Variants in HK2 observed in about 807,000 individuals in gnomAD.
HK2 encodes the protein hexokinase-2.
In HK2, 42 loss-of-function variants were observed where a neutral mutation model predicts 92.9. The observed-to-expected ratio is 0.45, with a 90% confidence interval of 0.35 to 0.58. HK2 has a LOEUF of 0.58. Among genes scored for constraint, HK2 ranks in the 20% least tolerant of loss-of-function variants. The pLI, the probability that HK2 is intolerant of heterozygous loss-of-function variation, is 0.00. For synonymous variants in HK2, 422 were observed against 468.0 expected (o/e 0.90, Z 1.27); for missense variants, 978 against 1,245.1 (o/e 0.79, Z 3.23).
At position 74,888,063 on chromosome 2, in the gene HK2, G is replaced by A; in HGVS notation, c.2375+5G>A. ...GTTCTTGTCTCAGATTGAGAGGTGA[G>A]AGCTTAGGGCTCAGGGTAGCAGGGG... On this transcript the variant is annotated splice_donor_5th_base_variant and intron_variant, in intron 16 of 17. Coordinates refer to ENST00000290573, the MANE Select transcript of HK2 (RefSeq NM_000189.5). 6.2e-7 allele frequency: 1 copy of A among 1,614,176 alleles called. No homozygotes were observed. Among genetic ancestry groups the A allele is most frequent in the Non-Finnish European group, 8.5e-7 (1 of 1,180,014 alleles).
At chr2:74,873,142 G>A (rs1485052097) in intron 4 of HK2, 134 bp from the exon 5 acceptor site, 2 of 768,836 alleles carry the variant, frequency 2.6e-6, no homozygotes, top group Non-Finnish European at 2.4e-6. Context: ...AGGCTAGCCA[G>A]GAAGTAACAC....
chr2:74,888,089 G>A (rs775628744), intron 16 of HK2, 31 bp downstream of exon 16: 3 of 1,611,718 alleles, frequency 1.9e-6, no homozygotes, highest in Non-Finnish European at 1.7e-6. Context: ...GTAGCAGGGG[G>A]GCCATGTCCT....
At chr2:74,853,391 G>A (rs886915522) in intron 1 of HK2, among the ~76,000 whole-genome samples, 8 of 151,946 alleles carry the variant, frequency 5.3e-5, no homozygotes, top group African/African-American at 1.4e-4. Flanking sequence ...GTGGTGCACC[G>A]CTGTAATCCC....
chr2:74,861,062 G>C (rs1000597212), intron 2 of HK2, among the ~76,000 whole-genome samples: 1 of 152,150 alleles, frequency 6.6e-6, no homozygotes, highest in Non-Finnish European at 1.5e-5. Context: ...ACGCAGTTCT[G>C]TCAGGGGCCC....
At chr2:74,835,376 C>G (rs1322291227) in intron 1 of HK2, 1 of 152,592 alleles carries the variant, frequency 6.6e-6, no homozygotes, top group Non-Finnish European at 1.5e-5. Context: ...TCTGGTTTGC[C>G]CTAAAAGTTA....
intron 2 of HK2, among the ~76,000 whole-genome samples, chr2:74,866,461 C>T (rs761357587): frequency 2.0e-5 from 3 of 152,162 alleles, no homozygotes; most frequent in Non-Finnish European, 2.9e-5. Context: ...CCTGCGGATG[C>T]GCCTTGCCTG....
At chr2:74,846,760 T>TCC (rs1053089715) in intron 1 of HK2, among the ~76,000 whole-genome samples, 2 of 152,140 alleles carry the variant, frequency 1.3e-5, no homozygotes, top group African/African-American at 4.8e-5. Flanking sequence ...CTTCAAATGA[T>TCC]CCTCCTCAGC....
intron 16 of HK2, among the ~76,000 whole-genome samples, chr2:74,889,011 A>T (rs1009163479): frequency 1.3e-5 from 2 of 152,214 alleles, no homozygotes; most frequent in Non-Finnish European, 2.9e-5. Context: ...TATCTGGAGT[A>T]GGGAGAGTAG....
chr2:74,883,253 C>G (rs1184658538), intron 12 of HK2, among the ~76,000 whole-genome samples: 6 of 152,218 alleles, frequency 3.9e-5, no homozygotes, highest in Non-Finnish European at 8.8e-5. Context: ...TACAAACAAG[C>G]TGGGCTGATG....
intron 1 of HK2, among the ~76,000 whole-genome samples, chr2:74,842,181 A>C (rs1688328655): frequency 6.6e-6 from 1 of 152,250 alleles, no homozygotes; most frequent in East Asian, 1.9e-4. Flanking sequence ...ACTGTGCCTG[A>C]CATATAGTCA....
At chr2:74,836,214 A>T (rs1297263259) in intron 1 of HK2, among the ~76,000 whole-genome samples, 1 of 152,180 alleles carries the variant, frequency 6.6e-6, no homozygotes, top group African/African-American at 2.4e-5. Flanking sequence ...CATTAATCTC[A>T]GGGAGTTCTC....
intron 9 of HK2, among the ~76,000 whole-genome samples, chr2:74,879,671 G>A (rs539255278): frequency 6.6e-6 from 1 of 152,342 alleles, no homozygotes; most frequent in South Asian, 2.1e-4. Context: ...TGCACTTGGA[G>A]TAGGAAGGCC....
rs1361134635 is a variant in HK2 at position 74,889,354 on chromosome 2, C to A, written c.2485C>A (p.Arg829=). The A allele has an allele frequency of 1.2e-6, 2 of 1,614,062 alleles. No individual in the cohort carries two copies. The highest frequency in any genetic ancestry group is 1.3e-5 in the African/African-American group (1 of 74,922). Residue 829 remains arginine, a synonymous_variant, in exon 17 of 18, where the codon CGG becomes AGG. Coordinates refer to ENST00000290573, the MANE Select transcript of HK2 (RefSeq NM_000189.5). ...VKEVCTVVAR[R]AAQLCGAGMA... is the part of the protein sequence containing the mutation. Reference sequence around the variant, plus strand: ...GGAGGTGTGCACTGTGGTGGCCCGGCGGGCAGCCCAGCTCTGTGGCGCAGG... The same window carrying A: ...GGAGGTGTGCACTGTGGTGGCCCGGAGGGCAGCCCAGCTCTGTGGCGCAGG...
Position 74,834,586 on chromosome 2 carries a change from T to A in HK2, c.6T>A (p.Ile2=), listed in dbSNP as rs746318444. 9.3e-6 allele frequency: 15 copies of A among 1,613,796 alleles called. No individual in the cohort carries two copies. Among genetic ancestry groups the A allele is most frequent in the Non-Finnish European group, 1.3e-5 (15 of 1,179,832 alleles). The change falls in exon 1 of 18, where the codon ATT becomes ATA. Residue 2 remains isoleucine (I), a synonymous_variant. Coordinates refer to ENST00000290573, the MANE Select transcript of HK2 (RefSeq NM_000189.5). This position sits in a 1 kb window ranked among gnomAD's most constrained non-coding sequence, Gnocchi z 4.2. M[I]ASHLLAYFFT... ...CGCCGTCGGGCCGCGGCAGGATGATTGCCTCGCATCTGCTTGCCTACTTCT... is the reference window on the plus strand; with the variant it reads ...CGCCGTCGGGCCGCGGCAGGATGATAGCCTCGCATCTGCTTGCCTACTTCT...
chr2:74,882,062 T>C (rs202138229), intron 11 of HK2, 58 bp from the exon 12 acceptor site: 77 of 1,545,890 alleles, frequency 5.0e-5, no homozygotes, highest in Non-Finnish European at 6.4e-5. Context: ...CAGGCCCTAC[T>C]GGGGGCAGCC....
intron 1 of HK2, among the ~76,000 whole-genome samples, chr2:74,849,074 G>A (rs571679816): frequency 3.3e-5 from 5 of 152,308 alleles, no homozygotes; most frequent in African/African-American, 1.2e-4. Context: ...CTCCATGAAT[G>A]TCCCCTTTTG....
At chr2:74,861,150 G>A (rs1378541283) in intron 2 of HK2, among the ~76,000 whole-genome samples, 1 of 152,086 alleles carries the variant, frequency 6.6e-6, no homozygotes, top group African/African-American at 2.4e-5. Context: ...TGCAGGGGTC[G>A]GGCACGGTGG....
At position 74,882,131 on chromosome 2, in the gene HK2, C is replaced by G; in HGVS notation, c.1731C>G (p.His577Gln). ...ACTTCTCCCTGCAGCTCTTTGACCACATTGTCCAGTGCATCGCGGACTTCC... is the reference window on the plus strand; with the variant it reads ...ACTTCTCCCTGCAGCTCTTTGACCAGATTGTCCAGTGCATCGCGGACTTCC... ...MHGTGDELFD[H>Q]IVQCIADFLE... Residue 577 changes from histidine to glutamine, a missense_variant, in exon 12 of 18, where the codon CAC becomes CAG. This residue lies in a region of HK2 where 742 missense variants were observed against 922.5 expected (regional missense o/e 0.80). Transcript: ENST00000290573. 1 of 1,614,238 alleles carries G rather than the reference C, an allele frequency of 6.2e-7. No individual in the cohort carries two copies. The highest frequency in any genetic ancestry group is 8.5e-7 in the Non-Finnish European group (1 of 1,180,036).
At chr2:74,854,824 G>T (rs28362984) in intron 2 of HK2, among the ~76,000 whole-genome samples, 1 of 152,216 alleles carries the variant, frequency 6.6e-6, no homozygotes, top group Non-Finnish European at 1.5e-5. Flanking sequence ...ACTGTAGGCC[G>T]TGGGAGCCGC....
Sources: gnomAD v4.1 joint callset for allele counts (sites outside exome capture counted in the v4.1 genomes callset) on GRCh38, gnomAD v4.1.1 for gene constraint, gnomAD v4.1.1 regional missense constraint, Gnocchi (gnomAD v3.1) non-coding constraint, MANE v1.5 for transcripts, NCBI Gene and HGNC (gene_info 2026-07-23, HGNC 2026-07-21) for gene names.